Variants in OCA2 observed in about 807,000 individuals in gnomAD.
OCA2 encodes the protein OCA2 melanosomal transmembrane protein, also known as P protein.
A neutral mutation model predicts 100.2 loss-of-function variants in OCA2; 77 were observed. That is an observed-to-expected ratio of 0.77 (90% CI 0.64 to 0.93). The LOEUF is 0.93. OCA2 is among the 40% of genes least tolerant of loss of function. The pLI, the probability that OCA2 is intolerant of heterozygous loss-of-function variation, is 0.00. For missense variants in OCA2, 1,062 were observed against 1,089.1 expected (o/e 0.98, Z 0.35); for synonymous variants, 432 against 439.2 (o/e 0.98, Z 0.21).
intron 19 of OCA2, among the ~76,000 whole-genome samples, chr15:27,905,164 A>C (rs1285756385): frequency 1.1e-4 from 2 of 18,668 alleles, no homozygotes; most frequent in Admixed American, 1.0e-3. Context: ...ACTCCACCTC[A>C]AAAAAAAAAA....
intron 4 of OCA2, 117 bp downstream of exon 4, chr15:28,027,754 A>C (rs2042796560): frequency 5.6e-6 from 6 of 1,076,822 alleles, no homozygotes; most frequent in Non-Finnish European, 8.3e-6. Flanking sequence ...CAGCCTGGCC[A>C]GATGAGACAA....
intron 2 of OCA2, among the ~76,000 whole-genome samples, chr15:28,056,620 A>G (rs1437871731): frequency 6.6e-6 from 1 of 152,250 alleles, no homozygotes; most frequent in Non-Finnish European, 1.5e-5. Context: ...TCGTTAGGAA[A>G]GCATCAGCAG....
chr15:28,095,833 C>T (rs145910929), intron 1 of OCA2, among the ~76,000 whole-genome samples: 1 of 152,298 alleles, frequency 6.6e-6, no homozygotes, highest in Non-Finnish European at 1.5e-5. Context: ...TGTTGAAAGG[C>T]AGTCCCTCTG....
chr15:27,793,447 C>G (rs1249310145), intron 23 of OCA2, among the ~76,000 whole-genome samples: 1 of 151,748 alleles, frequency 6.6e-6, no homozygotes, highest in Non-Finnish European at 1.5e-5. Context: ...TTAGCTGGAC[C>G]TTTTCTCCTA....
At chr15:27,763,027 AG>A (rs1345918939) in intron 23 of OCA2, among the ~76,000 whole-genome samples, 1 of 152,230 alleles carries the variant, frequency 6.6e-6, no homozygotes, top group African/African-American at 2.4e-5. Flanking sequence ...ACTACACTTT[AG>A]GATGCCCTTT....
At chr15:28,004,910 C>T (rs2042044893) in intron 9 of OCA2, among the ~76,000 whole-genome samples, 2 of 152,156 alleles carry the variant, frequency 1.3e-5, no homozygotes, top group African/African-American at 2.4e-5. Context: ...CACGGCAGCC[C>T]GATCTTTTGA....
At chr15:27,776,694 A>G (rs1299547026) in intron 23 of OCA2, 1 of 152,206 alleles carries the variant, frequency 6.6e-6, no homozygotes, top group Non-Finnish European at 1.5e-5. Context: ...AAGGAGTACT[A>G]GACCCCTCTG....
At chr15:28,050,667 C>A (rs751798552) in intron 2 of OCA2, among the ~76,000 whole-genome samples, 1 of 151,996 alleles carries the variant, frequency 6.6e-6, no homozygotes, top group Non-Finnish European at 1.5e-5. Flanking sequence ...ACATAATACG[C>A]ACCTATTGCT....
chr15:27,926,377 G>A, intron 18 of OCA2, 123 bp from the exon 19 acceptor site: 1 of 1,007,674 alleles, frequency 9.9e-7, no homozygotes. Context: ...CCGCATATAT[G>A]TAAAATGCAT....
rs148753586 is a variant in OCA2 at position 27,934,531 on chromosome 15, G to A, written c.1952-8277C>T. Among the ~76,000 whole-genome samples, 1,300 of 152,206 alleles carry A rather than the reference G, an allele frequency of 8.5e-3. 28 individuals carry two copies. The highest frequency in any genetic ancestry group is 0.03 in the African/African-American group (1,255 of 41,524). On this transcript the variant is annotated intron_variant, in intron 18 of 23. Coordinates refer to ENST00000354638, the MANE Select transcript of OCA2 (RefSeq NM_000275.3). ...ATTGCTCCAATTTCACTTCTCCTGG[G>A]TAAAGCTTTTTGACCCCAGAAATGG...
chr15:28,056,610 T>A (rs774722259), intron 2 of OCA2, among the ~76,000 whole-genome samples: 1 of 152,114 alleles, frequency 6.6e-6, no homozygotes, highest in Non-Finnish European at 1.5e-5. Context: ...GAAAACTGAG[T>A]CGTTAGGAAA....
At chr15:27,997,098 G>GA (rs1250644932) in intron 9 of OCA2, among the ~76,000 whole-genome samples, 934 of 33,836 alleles carry the variant, frequency 0.028, 10 homozygotes, top group African/African-American at 0.052. Flanking sequence ...AAGAAAGAAA[G>GA]GAAGAAAGAA....
chr15:27,753,273 C>A (rs2030135133), downstream of OCA2, among the ~76,000 whole-genome samples: 1 of 151,320 alleles, frequency 6.6e-6, no homozygotes, highest in Non-Finnish European at 1.5e-5. Flanking sequence ...AGATGAAGGA[C>A]CCTAGGCAGG....
At chr15:27,990,856 A>G (rs2041534326) in intron 9 of OCA2, among the ~76,000 whole-genome samples, 1 of 152,184 alleles carries the variant, frequency 6.6e-6, no homozygotes, top group Admixed American at 6.5e-5. Context: ...AGCTGCTTGC[A>G]TTTCCTAAAT....
chr15:27,855,985 G>A (rs1484373595), intron 21 of OCA2, among the ~76,000 whole-genome samples: 3 of 152,156 alleles, frequency 2.0e-5, no homozygotes, highest in African/African-American at 7.2e-5. Flanking sequence ...GCACGGCTCT[G>A]AAGGCGAGAG....
intron 23 of OCA2, among the ~76,000 whole-genome samples, chr15:27,810,400 C>T (rs1277657967): frequency 6.6e-6 from 1 of 152,184 alleles, no homozygotes; most frequent in Admixed American, 6.5e-5. Flanking sequence ...AAATCATAAA[C>T]ATTCTAGAAG....
rs1048960461 is a variant in OCA2 at position 27,835,214 on chromosome 15, C to T, written c.2432+9745G>A. Among the ~76,000 whole-genome samples, 3 of 152,192 alleles carry T rather than the reference C, an allele frequency of 2.0e-5. No homozygotes were observed. In the South Asian group the frequency reaches 6.2e-4, roughly 31 times the overall value. On this transcript the variant is annotated intron_variant, in intron 23 of 23. Transcript: ENST00000354638. Reference sequence around the variant, plus strand: ...CTAAAGCAAAATGCAATTATGAGATCATATGGATTACAAGTCTTGGGCAAA... The same window carrying T: ...CTAAAGCAAAATGCAATTATGAGATTATATGGATTACAAGTCTTGGGCAAA...
Position 27,926,305 on chromosome 15 carries a change from G to A in OCA2, c.1952-51C>T, listed in dbSNP as rs115024041. ...GATATAGTTCCACTGTTAACACACC[G>A]ATTCATTTCTTTAACCTCTGGTTGC... On this transcript the variant is annotated intron_variant, in intron 18 of 23. Transcript: ENST00000354638. The A allele has an allele frequency of 4.6e-5, 74 of 1,602,142 alleles. No homozygotes were observed. The African/African-American group carries it at 6.8e-4, about 15-fold the overall frequency.
chr15:27,775,004 T>TTTG (rs150697280), intron 23 of OCA2, among the ~76,000 whole-genome samples: 2 of 151,048 alleles, frequency 1.3e-5, no homozygotes, highest in African/African-American at 4.9e-5. Flanking sequence ...CCAGCCCTCT[T>TTTG]TAGTTTGTAG....
Sources: allele counts gnomAD v4.1 joint callset (sites outside exome capture counted in the v4.1 genomes callset), GRCh38; gene constraint gnomAD v4.1.1; transcripts MANE v1.5; gene names NCBI Gene and HGNC (gene_info 2026-07-23, HGNC 2026-07-21).